NAA60: variants seen among roughly 807,000 people sequenced by gnomAD.
The protein encoded by NAA60 is N-alpha-acetyltransferase 60.
Under a neutral mutation model 26.1 loss-of-function variants are expected in NAA60, and 8 were observed. The ratio of observed to expected loss-of-function variants is 0.31; its 90% CI spans 0.18 to 0.55. The LOEUF is 0.55. NAA60 is among the 20% of genes least tolerant of loss of function. The probability of loss-of-function intolerance (pLI) is 0.93; values close to 1 mark genes in which losing one functional copy is unlikely to be tolerated. For missense variants in NAA60, 290 were observed against 311.3 expected, an observed-to-expected ratio of 0.93 and a Z score of 0.51; for synonymous variants, 131 against 122.5, an observed-to-expected ratio of 1.07 and a Z score of -0.46.
chr16:3,474,085 C>T (rs1441473756), intron 2 of NAA60, among the ~76,000 whole-genome samples: 2 of 142,398 alleles, frequency 1.4e-5, no homozygotes, highest in African/African-American at 5.0e-5. Flanking sequence ...ACCGTGGGAA[C>T]AAAGGGGTGG....
rs149150833 is a variant in NAA60 at position 3,486,026 on chromosome 16, G to C, written c.*766G>C. ...ACCTGCTGAGGACAGGCATCGCCGA[G>C]ACTCCTTGGGTCCTCCCCGCCCTCC... On this transcript the variant is annotated 3_prime_UTR_variant, in exon 8 of 8. Transcript: ENST00000407558. The C allele has an allele frequency of 4.3e-6, 1 of 232,890 alleles. No individual in the cohort carries two copies. Among genetic ancestry groups the C allele is most frequent in the Non-Finnish European group, 8.8e-6 (1 of 114,262 alleles). The allele number at this position is 232,890 out of a possible 1,614,324, so 14.4% of individuals were successfully genotyped here. A position where few individuals can be genotyped will look rare whatever the true frequency, so the allele number is the denominator to read the frequency against.
intron 2 of NAA60, among the ~76,000 whole-genome samples, chr16:3,449,615 A>G (rs1412128323): frequency 6.6e-6 from 1 of 152,086 alleles, no homozygotes; most frequent in East Asian, 1.9e-4. Context: ...AACTCAGGAA[A>G]TGGAGGTTGC....
At chr16:3,474,092 G>A (rs1248782522) in intron 2 of NAA60, among the ~76,000 whole-genome samples, 1 of 151,892 alleles carries the variant, frequency 6.6e-6, no homozygotes, top group Non-Finnish European at 1.5e-5. Flanking sequence ...GAACAAAGGG[G>A]TGGGCACAAG....
At chr16:3,445,978 G>C (rs929158885) in intron 1 of NAA60, among the ~76,000 whole-genome samples, 12 of 152,134 alleles carry the variant, frequency 7.9e-5, no homozygotes, top group African/African-American at 2.9e-4. Flanking sequence ...ACTCAATTTT[G>C]TAAAAAATCA....
rs117326051 is a variant in NAA60 at position 3,470,985 on chromosome 16, A to G, written c.-6-5237A>G. 0.011 allele frequency among the ~76,000 whole-genome samples: 1,615 copies of G among 151,742 alleles called. 84 individuals carry two copies. In the South Asian group the frequency reaches 0.12, roughly 11 times the overall value. On this transcript the variant is annotated intron_variant, in intron 2 of 7. Transcript: ENST00000407558. The stretch of plus-strand genomic sequence containing the variant: ...GCGTTTCCATTTTTAAATCGAGTGT[A>G]AAGAACTGGCCTCCAGAAACACGGA...
chr16:3,448,404 G>T (rs2150943972), intron 1 of NAA60, 67 bp from the exon 2 acceptor site: 1 of 1,340,522 alleles, frequency 7.5e-7, no homozygotes, highest in Non-Finnish European at 1.0e-6. Context: ...ACACTCATTA[G>T]CCTATGAGTT....
At chr16:3,465,475 G>A (rs1217268324) in intron 2 of NAA60, among the ~76,000 whole-genome samples, 1 of 152,050 alleles carries the variant, frequency 6.6e-6, no homozygotes, top group East Asian at 1.9e-4. Flanking sequence ...GCCACAAAAG[G>A]TGAGTCGTCC....
chr16:3,483,590 A>G lies in NAA60; in HGVS notation c.565A>G (p.Thr189Ala). The G allele has an allele frequency of 6.2e-7, 1 of 1,609,124 alleles. No homozygotes were observed. Among genetic ancestry groups the G allele is most frequent in the Non-Finnish European group, 8.5e-7 (1 of 1,176,974 alleles). Residue 189 changes from threonine (T) to alanine (A), a missense_variant, in exon 6 of 8, where the codon ACG becomes GCG. Coordinates refer to ENST00000407558, the MANE Select transcript of NAA60 (RefSeq NM_001083601.3). Reference protein sequence around the residue: ...LYINGGHPPWTILDYIQHLGS... With the variant: ...LYINGGHPPWAILDYIQHLGS... ...CATCAACGGCGGCCACCCTCCCTGG[A>G]CGATTTTATATCCTTAACTTCTGGG...
chr16:3,466,376 T>C (rs1189832137), intron 2 of NAA60, among the ~76,000 whole-genome samples: 1 of 152,188 alleles, frequency 6.6e-6, no homozygotes, highest in African/African-American at 2.4e-5. Context: ...CTCTGACACT[T>C]TGGAAGAAGC....
At chr16:3,443,963 G>C in intron 1 of NAA60, 126 bp downstream of exon 1, 1 of 1,387,274 alleles carries the variant, frequency 7.2e-7, no homozygotes, top group Non-Finnish European at 9.3e-7. Flanking sequence ...AGCGGATGGT[G>C]GGGCCGTGGA....
intron 2 of NAA60, among the ~76,000 whole-genome samples, chr16:3,466,812 C>T (rs1025152302): frequency 1.4e-4 from 22 of 152,044 alleles, no homozygotes; most frequent in African/African-American, 5.3e-4. Flanking sequence ...GGTGGGGATT[C>T]CTGGAGGGGC....
rs1393901125 is a variant in NAA60, at chr16:3,477,763, C to T, written c.110+1426C>T. Among the ~76,000 whole-genome samples the T allele has an allele frequency of 6.8e-5, 10 of 147,974 alleles. No homozygotes were observed. The Admixed American group carries it at 6.8e-4, about 10-fold the overall frequency. On this transcript the variant is annotated intron_variant, in intron 3 of 7. Transcript: ENST00000407558. Reference sequence around the variant, plus strand: ...TGGCCAACATGGTGAAACCTCATCTCTATTAAAAATACAAAAATTGGGCCG... The same window carrying T: ...TGGCCAACATGGTGAAACCTCATCTTTATTAAAAATACAAAAATTGGGCCG...
At chr16:3,484,632 C>G in intron 6 of NAA60, 67 bp from the exon 7 acceptor site, 1 of 1,539,914 alleles carries the variant, frequency 6.5e-7, no homozygotes, top group South Asian at 1.2e-5. Context: ...ACTGCGCGGG[C>G]CCCTGATGAC....
intron 2 of NAA60, among the ~76,000 whole-genome samples, chr16:3,449,362 C>T (rs757783278): frequency 6.6e-6 from 1 of 151,874 alleles, no homozygotes; most frequent in Non-Finnish European, 1.5e-5. Flanking sequence ...ACTAAAAATA[C>T]AAAAAATTAG....
intron 2 of NAA60, among the ~76,000 whole-genome samples, chr16:3,459,544 G>C (rs2035237400): frequency 6.6e-6 from 1 of 152,212 alleles, no homozygotes; most frequent in Non-Finnish European, 1.5e-5. Context: ...GTGAAGGCTA[G>C]TCTTCATCTC....
In NAA60 at chr16:3,485,488, C is replaced by T. The variant is rs994971258; in HGVS notation, c.*228C>T. ...ACAGGCTCTTCAGCTCCCCTCCCTG[C>T]TTCTGGAAACCTCTGCCTGCTGCCC... On this transcript the variant is annotated 3_prime_UTR_variant, in exon 8 of 8. Transcript: ENST00000407558. 1.3e-5 allele frequency: 6 copies of T among 456,844 alleles called. No individual in the cohort carries two copies. Among genetic ancestry groups the T allele is most frequent in the African/African-American group, 1.0e-4 (5 of 50,222 alleles). 28.3% of individuals were successfully genotyped at this position (456,844 alleles called of 1,614,324 possible).
chr16:3,458,079 T>A, intron 2 of NAA60: 1 of 985,250 alleles, frequency 1.0e-6, no homozygotes, highest in Non-Finnish European at 1.2e-6. Context: ...GCCGGTTACA[T>A]AACTCGTTGC....
chr16:3,447,733 G>A (rs1013059248), intron 1 of NAA60: 10 of 646,990 alleles, frequency 1.5e-5, no homozygotes, highest in South Asian at 6.9e-5. Flanking sequence ...GTCTTATAAG[G>A]GGACAATGGC....
At chr16:3,448,889 A>C (rs949578664) in intron 2 of NAA60, 3 of 225,734 alleles carry the variant, frequency 1.3e-5, no homozygotes, top group Non-Finnish European at 2.7e-5. Flanking sequence ...AGACTCTCCC[A>C]GTGTGCTGCC....
Sources: gnomAD v4.1 joint callset for allele counts (sites outside exome capture counted in the v4.1 genomes callset) on GRCh38, gnomAD v4.1.1 for gene constraint, MANE v1.5 for transcripts, NCBI Gene and HGNC (gene_info 2026-07-23, HGNC 2026-07-21) for gene names.